RELN: variants seen among roughly 807,000 people sequenced by gnomAD.
RELN encodes reelin.
A neutral mutation model predicts 427.6 loss-of-function variants in RELN; 108 were observed. That is an observed-to-expected ratio of 0.25 (90% CI 0.22 to 0.30). The LOEUF is 0.30. RELN is among the 10% of genes least tolerant of loss of function. RELN has a pLI of 1.00. For missense variants in RELN, 3,715 were observed against 4,302.8 expected (o/e 0.86, Z 3.82); for synonymous variants, 1,524 against 1,513.4 (o/e 1.01, Z -0.16).
intron 64 of RELN, chr7:103,476,624 C>G (rs1490482134): frequency 1.0e-5 from 2 of 190,546 alleles, no homozygotes; most frequent in Middle Eastern, 5.1e-4. Flanking sequence ...AGTTTATGAG[C>G]CTTTGAAAAT....
intron 6 of RELN, among the ~76,000 whole-genome samples, chr7:103,735,351 A>C (rs1200822239): frequency 6.6e-6 from 1 of 152,100 alleles, no homozygotes; most frequent in Non-Finnish European, 1.5e-5. Context: ...TGAAGATATA[A>C]CTGGGTTTTT....
In RELN at chr7:103,604,441, T is replaced by C. The variant is rs368869061; in HGVS notation, c.3051A>G (p.Thr1017=). Residue 1017 remains threonine (T), a synonymous_variant, in exon 23 of 65, where the codon ACA becomes ACG. Coordinates refer to ENST00000428762, the MANE Select transcript of RELN (RefSeq NM_005045.4). ...TRFRWSQSYY[T]AQDEWALDSI... ...TGTCCAAAGCCCACTCGTCTTGAGC[T>C]GTGTAATAGCTCTGGCTCCAGCGGA... The C allele has an allele frequency of 2.9e-5, 46 of 1,613,820 alleles. No homozygotes were observed. The highest frequency in any genetic ancestry group is 3.3e-5 in the Non-Finnish European group (39 of 1,179,890).
At chr7:103,747,084 C>T (rs369882229) in intron 6 of RELN, among the ~76,000 whole-genome samples, 3 of 152,012 alleles carry the variant, frequency 2.0e-5, no homozygotes, top group South Asian at 4.1e-4. Context: ...TATGCAGCCA[C>T]AAAAAATGAT....
At chr7:103,720,222 G>A (rs1328719767) in intron 8 of RELN, among the ~76,000 whole-genome samples, 1 of 151,554 alleles carries the variant, frequency 6.6e-6, no homozygotes, top group Non-Finnish European at 1.5e-5. Flanking sequence ...AACTGAGAGA[G>A]TATTGCTGCT....
chr7:103,691,414 C>G (rs1220419083), intron 10 of RELN, among the ~76,000 whole-genome samples: 1 of 152,116 alleles, frequency 6.6e-6, no homozygotes, highest in Non-Finnish European at 1.5e-5. Flanking sequence ...TTTCTCTTTT[C>G]TATTTGACCT....
At chr7:103,638,326 C>G (rs186556236) in intron 17 of RELN, among the ~76,000 whole-genome samples, 2 of 152,248 alleles carry the variant, frequency 1.3e-5, no homozygotes, top group East Asian at 3.9e-4. Context: ...GCATCTCTAA[C>G]AGGGTTGGGC....
At chr7:103,609,138 A>G (rs1291073479) in intron 22 of RELN, among the ~76,000 whole-genome samples, 1 of 150,776 alleles carries the variant, frequency 6.6e-6, no homozygotes, top group Non-Finnish European at 1.5e-5. Context: ...CAGGTGAATC[A>G]CTTGAACCCG....
intron 11 of RELN, among the ~76,000 whole-genome samples, chr7:103,676,544 A>G (rs1833529305): frequency 6.6e-6 from 1 of 152,212 alleles, no homozygotes; most frequent in African/African-American, 2.4e-5. Context: ...TACTGGGTAT[A>G]TACCCAAAGG....
At chr7:103,692,537 C>T (rs1354292500) in intron 10 of RELN, among the ~76,000 whole-genome samples, 2 of 151,922 alleles carry the variant, frequency 1.3e-5, no homozygotes, top group Non-Finnish European at 2.9e-5. Context: ...GACCACTGTC[C>T]CCATTTCTAC....
chr7:103,696,185 C>T (rs1189558723), intron 10 of RELN, among the ~76,000 whole-genome samples: 3 of 152,176 alleles, frequency 2.0e-5, no homozygotes, highest in Admixed American at 6.5e-5. Context: ...TTCTGTAAGC[C>T]GTGAGACACA....
In RELN at chr7:103,636,414, T is replaced by G. The variant is rs759907458; in HGVS notation, c.2124A>C (p.Pro708=). 16 of 1,613,980 alleles carry G rather than the reference T, an allele frequency of 9.9e-6. No homozygotes were observed. In the South Asian group the frequency reaches 1.8e-4, roughly 18 times the overall value. Reference sequence around the variant, plus strand: ...TGCCAAAGCTTTCAGAAATAAACATTGGGAATGTCTGGGATGCCATCTCAC... The same window carrying G: ...TGCCAAAGCTTTCAGAAATAAACATGGGGAATGTCTGGGATGCCATCTCAC... ...PACEMASQTF[P]MFISESFGSS... The change falls in exon 18 of 65, where the codon CCA becomes CCC. Residue 708 remains proline, a synonymous_variant. Transcript: ENST00000428762.
intron 1 of RELN, among the ~76,000 whole-genome samples, chr7:103,946,881 A>G (rs913256155): frequency 6.6e-6 from 1 of 152,190 alleles, no homozygotes; most frequent in East Asian, 1.9e-4. Flanking sequence ...ATGATGAATT[A>G]TTTGTAGAAG....
intron 20 of RELN, among the ~76,000 whole-genome samples, chr7:103,623,954 C>T (rs541707955): frequency 6.6e-6 from 1 of 152,084 alleles, no homozygotes; most frequent in South Asian, 2.1e-4. Flanking sequence ...TCTTTTGTAA[C>T]TTAAAATTCC....
At position 103,882,476 on chromosome 7, in the gene RELN, T is replaced by G. The variant is rs78356334; in HGVS notation, c.337+34599A>C. Among the ~76,000 whole-genome samples the G allele has an allele frequency of 3.9e-3, 600 of 152,252 alleles. 22 individuals are homozygous for G. In the East Asian group the frequency reaches 0.072, roughly 18 times the overall value. On this transcript the variant is annotated intron_variant, in intron 2 of 64. Coordinates refer to ENST00000428762, the MANE Select transcript of RELN (RefSeq NM_005045.4). Reference sequence around the variant, plus strand: ...TCCGTAAATTTTTTTTTATTTTTTGTATTTATCCTGTCCTTTAAAAATCCT... The same window carrying G: ...TCCGTAAATTTTTTTTTATTTTTTGGATTTATCCTGTCCTTTAAAAATCCT...
chr7:103,678,813 A>G (rs1408428880), intron 11 of RELN, among the ~76,000 whole-genome samples: 1 of 152,250 alleles, frequency 6.6e-6, no homozygotes, highest in Non-Finnish European at 1.5e-5. Context: ...AATCAATTCA[A>G]CTGGCCACCC....
chr7:103,750,928 G>A (rs1359471370), intron 5 of RELN, among the ~76,000 whole-genome samples: 3 of 152,156 alleles, frequency 2.0e-5, no homozygotes, highest in Non-Finnish European at 4.4e-5. Context: ...CATGTCAAGT[G>A]CAATATTTTC....
At chr7:103,518,079 GAC>G (rs1161154666) in intron 49 of RELN, among the ~76,000 whole-genome samples, 1 of 152,108 alleles carries the variant, frequency 6.6e-6, no homozygotes, top group African/African-American at 2.4e-5. Context: ...AGAACAATAA[GAC>G]AGGAGGAACC....
intron 2 of RELN, among the ~76,000 whole-genome samples, chr7:103,848,707 A>G (rs1227414918): frequency 6.6e-6 from 1 of 152,194 alleles, no homozygotes; most frequent in East Asian, 1.9e-4. Context: ...TGGGAAGACT[A>G]TACTCACAAT....
chr7:103,804,409 G>A (rs1792546148), intron 3 of RELN, among the ~76,000 whole-genome samples: 1 of 152,052 alleles, frequency 6.6e-6, no homozygotes, highest in African/African-American at 2.4e-5. Flanking sequence ...TTTATGCTCT[G>A]AATGTCTGAC....
Sources: gnomAD v4.1 joint callset for allele counts (sites outside exome capture counted in the v4.1 genomes callset) on GRCh38, gnomAD v4.1.1 for gene constraint, MANE v1.5 for transcripts, NCBI Gene and HGNC (gene_info 2026-07-23, HGNC 2026-07-21) for gene names.